The following SEMA5B variants were observed in gnomAD, a reference collection of about 807,000 sequenced individuals.
The protein encoded by SEMA5B is semaphorin-5B.
SEMA5B carries 66 observed loss-of-function variants against 135.0 expected under a neutral mutation model. The ratio of observed to expected loss-of-function variants is 0.49; its 90% CI spans 0.40 to 0.60. The LOEUF is 0.60. Among genes scored for constraint, SEMA5B ranks in the 20% least tolerant of loss-of-function variants. The pLI is 0.00. For synonymous variants in SEMA5B, 690 were observed against 639.5 expected (o/e 1.08, Z -1.19); for missense variants, 1,501 against 1,566.3 (o/e 0.96, Z 0.70).
intron 1 of SEMA5B, among the ~76,000 whole-genome samples, chr3:123,008,720 C>T (rs908609870): frequency 3.9e-5 from 6 of 152,158 alleles, no homozygotes; most frequent in Non-Finnish European, 8.8e-5. Flanking sequence ...CAGGAGCCAG[C>T]TGAGTTAGGT....
Position 123,027,463 on chromosome 3 carries a change from C to T in SEMA5B, c.-39+1G>A, listed in dbSNP as rs1942828305. ...AAGCGCCCGGGGCTCCCGGGACTCA[C>T]CTCCCAGAGGCGGGTGCAGGTGCCC... On this transcript the variant is annotated splice_donor_variant, in intron 1 of 22. Transcript: ENST00000357599. LOFTEE classifies it low-confidence loss of function (5UTR_SPLICE). 1 of 152,364 alleles carries T rather than the reference C, an allele frequency of 6.6e-6. No individual in the cohort carries two copies. The highest frequency in any genetic ancestry group is 1.5e-5 in the Non-Finnish European group (1 of 68,146). 9.4% of individuals were successfully genotyped at this position (152,364 alleles called of 1,614,324 possible). A position where few individuals can be genotyped will look rare whatever the true frequency, so the allele number is the denominator to read the frequency against.
At chr3:122,970,601 C>T (rs1296105629) in intron 1 of SEMA5B, among the ~76,000 whole-genome samples, 1 of 152,204 alleles carries the variant, frequency 6.6e-6, no homozygotes, top group Non-Finnish European at 1.5e-5. Context: ...TAATCATGTC[C>T]TTTAGAAGTT....
intron 1 of SEMA5B, among the ~76,000 whole-genome samples, chr3:122,988,976 C>T (rs1471112563): frequency 2.0e-5 from 3 of 152,252 alleles, no homozygotes; most frequent in African/African-American, 4.8e-5. Context: ...AGAGGAATCC[C>T]ATCGCGTAAT....
chr3:123,007,606 C>A (rs554404247), intron 1 of SEMA5B, among the ~76,000 whole-genome samples: 2 of 152,190 alleles, frequency 1.3e-5, no homozygotes, highest in African/African-American at 4.8e-5. Context: ...GGGAGGGGAA[C>A]TGGTGGCTCC....
intron 12 of SEMA5B, 65 bp downstream of exon 12, chr3:122,921,850 A>C: frequency 7.1e-7 from 1 of 1,407,752 alleles, no homozygotes; most frequent in Non-Finnish European, 9.4e-7. Context: ...CCCGGGTCCA[A>C]AGCCCCGCCT....
intron 1 of SEMA5B, among the ~76,000 whole-genome samples, chr3:123,005,827 A>C (rs190385992): frequency 7.5e-4 from 115 of 152,320 alleles, no homozygotes; most frequent in African/African-American, 2.6e-3. Context: ...CCTGCCTACC[A>C]TGCAGACTGT....
At chr3:122,972,245 G>A (rs1941151340) in intron 1 of SEMA5B, among the ~76,000 whole-genome samples, 1 of 152,218 alleles carries the variant, frequency 6.6e-6, no homozygotes, top group African/African-American at 2.4e-5. Context: ...GCTTTTCCAG[G>A]AAAGTAGCAG....
intron 5 of SEMA5B, among the ~76,000 whole-genome samples, chr3:122,935,252 G>A (rs763027655): frequency 1.1e-4 from 16 of 151,918 alleles, no homozygotes; most frequent in Non-Finnish European, 1.9e-4. Context: ...TAAAAGTCTG[G>A]TCTCTGTAGT....
chr3:122,997,521 C>A (rs539618812), intron 1 of SEMA5B, among the ~76,000 whole-genome samples: 11 of 151,766 alleles, frequency 7.2e-5, no homozygotes, highest in South Asian at 6.3e-4. Context: ...AGGCCTCTCC[C>A]CCCCCCGTCT....
At chr3:122,979,092 G>T (rs1042708272) in intron 1 of SEMA5B, among the ~76,000 whole-genome samples, 21 of 152,204 alleles carry the variant, frequency 1.4e-4, no homozygotes, top group Admixed American at 1.2e-3. Flanking sequence ...GGCTCTGCAG[G>T]CTGGAAAAGA....
chr3:123,021,292 G>A (rs1942668410), intron 1 of SEMA5B, among the ~76,000 whole-genome samples: 1 of 152,214 alleles, frequency 6.6e-6, no homozygotes, highest in Non-Finnish European at 1.5e-5. Context: ...AACCTTAAAA[G>A]CAGTCTGCTT....
In SEMA5B at chr3:123,005,360, C is replaced by CTTA. The variant is rs752551794; in HGVS notation, c.-39+22101_-39+22103dup. Among the ~76,000 whole-genome samples, 15 of 152,084 alleles carry CTTA rather than the reference C, an allele frequency of 9.9e-5. 1 individual carries two copies. The highest frequency in any genetic ancestry group is 2.1e-4 in the South Asian group (1 of 4,820). ...CTGAAGAAATGTTCTTCATTTGATG[C>CTTA]TTATTATTATTATTATTTAGAGAAA... is the stretch of plus-strand genomic sequence containing the variant. On this transcript the variant is annotated intron_variant, in intron 1 of 22. Coordinates refer to ENST00000357599, the MANE Select transcript of SEMA5B (RefSeq NM_001031702.4).
chr3:122,928,920 A>G, intron 6 of SEMA5B, 76 bp downstream of exon 6: 9 of 1,440,188 alleles, frequency 6.2e-6, no homozygotes, highest in Non-Finnish European at 8.7e-6. Flanking sequence ...CAGTCCACAC[A>G]GTGCTGCTCC....
chr3:122,986,064 C>T (rs1237981372), intron 1 of SEMA5B, among the ~76,000 whole-genome samples: 6 of 152,164 alleles, frequency 3.9e-5, no homozygotes, highest in Non-Finnish European at 5.9e-5. Context: ...AAAGGTTTCC[C>T]TCTCCTTTCT....
At chr3:122,952,970 C>T (rs559887294) in intron 2 of SEMA5B, among the ~76,000 whole-genome samples, 1 of 152,178 alleles carries the variant, frequency 6.6e-6, no homozygotes, top group Non-Finnish European at 1.5e-5. Context: ...AGGGAGTTAT[C>T]CCATATGGTT....
intron 10 of SEMA5B, 125 bp downstream of exon 10, chr3:122,923,491 TG>T: frequency 9.6e-7 from 1 of 1,042,924 alleles, no homozygotes; most frequent in Non-Finnish European, 1.4e-6. Context: ...ACCCCAGAGA[TG>T]GGCATGGACT....
chr3:122,952,051 C>T (rs1344746077), intron 2 of SEMA5B, among the ~76,000 whole-genome samples: 1 of 152,178 alleles, frequency 6.6e-6, no homozygotes, highest in Non-Finnish European at 1.5e-5. Flanking sequence ...GTCTGCACCC[C>T]ACAGGGAATT....
At chr3:122,970,138 G>A (rs765080654) in intron 1 of SEMA5B, among the ~76,000 whole-genome samples, 1 of 151,854 alleles carries the variant, frequency 6.6e-6, no homozygotes, top group African/African-American at 2.4e-5. Flanking sequence ...CAGGTGGGCA[G>A]CCAAGTGAGG....
At chr3:122,953,638 G>A (rs935410840) in intron 2 of SEMA5B, among the ~76,000 whole-genome samples, 3 of 152,178 alleles carry the variant, frequency 2.0e-5, no homozygotes, top group Non-Finnish European at 2.9e-5. Context: ...TTCGCTCCAG[G>A]TGAGGCAAGA....
Sources: gnomAD v4.1 joint callset for allele counts (sites outside exome capture counted in the v4.1 genomes callset) on GRCh38, gnomAD v4.1.1 for gene constraint, MANE v1.5 for transcripts, NCBI Gene and HGNC (gene_info 2026-07-23, HGNC 2026-07-21) for gene names.